PREPL: variants seen among roughly 807,000 people sequenced by gnomAD.
PREPL encodes prolyl endopeptidase-like.
A neutral mutation model predicts 70.6 loss-of-function variants in PREPL; 77 were observed. That is an observed-to-expected ratio of 1.09 (90% confidence interval 0.91 to 1.32). The LOEUF (loss-of-function observed/expected upper bound fraction) is 1.32, where lower values mean the gene tolerates loss of function less well. PREPL is among the 40% of genes most tolerant of loss of function. The pLI, the probability that PREPL is intolerant of heterozygous loss-of-function variation, is 0.00. For synonymous variants in PREPL, 315 were observed against 264.8 expected (o/e 1.19, Z -1.84); for missense variants, 1,002 against 778.2 (o/e 1.29, Z -3.42).
chr2:44,338,310 T>C (rs1241326873), intron 7 of PREPL, 41 bp downstream of exon 7: 1 of 1,529,106 alleles, frequency 6.5e-7, no homozygotes, highest in East Asian at 2.3e-5. Context: ...ACTGCATAAA[T>C]ATTTTGATTA....
intron 2 of PREPL, among the ~76,000 whole-genome samples, chr2:44,345,981 ATTTTT>A (rs909046653): frequency 6.7e-6 from 1 of 148,296 alleles, no homozygotes; most frequent in South Asian, 2.1e-4. Context: ...GTCTCTTGAA[ATTTTT>A]TTTTTTTAAA....
At chr2:44,326,961 A>C (rs1484074173) in intron 9 of PREPL, 33 bp from the exon 10 acceptor site, 1 of 1,587,060 alleles carries the variant, frequency 6.3e-7, no homozygotes, top group African/African-American at 1.3e-5. Flanking sequence ...TTTTAGTGGA[A>C]AAAAAAAGTT....
intron 5 of PREPL, among the ~76,000 whole-genome samples, chr2:44,341,545 C>T (rs1311643765): frequency 1.3e-5 from 2 of 151,742 alleles, no homozygotes; most frequent in African/African-American, 4.8e-5. Flanking sequence ...ACTACTTGAC[C>T]AAATAGTTGT....
intron 10 of PREPL, among the ~76,000 whole-genome samples, chr2:44,324,199 A>C (rs1673262342): frequency 6.6e-6 from 1 of 152,228 alleles, no homozygotes; most frequent in Admixed American, 6.5e-5. Flanking sequence ...GTATGACTCC[A>C]CCTATGTGAG....
In PREPL at chr2:44,320,912, C is replaced by CT; in HGVS notation, c.*443dup. 4.4e-6 allele frequency: 2 copies of CT among 457,574 alleles called. No homozygotes were observed. Among genetic ancestry groups the CT allele is most frequent in the South Asian group, 2.6e-5 (1 of 38,764 alleles). The allele number at this position is 457,574 out of a possible 1,614,324, so 28.3% of individuals were successfully genotyped here. A position where few individuals can be genotyped will look rare whatever the true frequency, so the allele number is the denominator to read the frequency against. ...ATTAGGACCCCAGATTATTCAAAAA[C>CT]TTTAACGAATTTTAAGGGGAAGAAT... On this transcript the variant is annotated 3_prime_UTR_variant, in exon 14 of 14. Transcript: ENST00000409411.
chr2:44,355,265 G>C (rs181333881), intron 1 of PREPL, among the ~76,000 whole-genome samples: 34 of 152,218 alleles, frequency 2.2e-4, no homozygotes, highest in Non-Finnish European at 3.8e-4. Flanking sequence ...AATGTAATCA[G>C]GGCCAGCTGC....
At chr2:44,356,720 G>C (rs899675950) in intron 1 of PREPL, among the ~76,000 whole-genome samples, 1 of 152,160 alleles carries the variant, frequency 6.6e-6, no homozygotes, top group Non-Finnish European at 1.5e-5. Flanking sequence ...CTTTTAGGCA[G>C]TAATTTGTTG....
intron 1 of PREPL, chr2:44,356,094 A>T (rs1484173044): frequency 3.3e-5 from 5 of 152,210 alleles, no homozygotes; most frequent in Non-Finnish European, 7.3e-5. Flanking sequence ...TAAAATGGAA[A>T]GCAGAGGTAC....
intron 10 of PREPL, among the ~76,000 whole-genome samples, chr2:44,324,866 G>T (rs993306108): frequency 1.1e-4 from 16 of 152,022 alleles, no homozygotes; most frequent in African/African-American, 3.9e-4. Context: ...TCCAGCCTGG[G>T]TGAAAGAGCA....
intron 1 of PREPL, among the ~76,000 whole-genome samples, chr2:44,354,609 C>G (rs933020724): frequency 2.0e-5 from 3 of 151,896 alleles, no homozygotes; most frequent in Admixed American, 6.6e-5. Context: ...GCCTCGCTCC[C>G]ATCACACCAG....
chr2:44,356,810 ATT>A lies in PREPL; in HGVS notation c.-49+4568_-49+4569del, dbSNP rs60067050. Among the ~76,000 whole-genome samples, 364 of 148,060 alleles carry A rather than the reference ATT, an allele frequency of 2.5e-3. 1 individual carries two copies. The highest frequency in any genetic ancestry group is 5.9e-3 in the African/African-American group (239 of 40,200). On this transcript the variant is annotated intron_variant, in intron 1 of 13. Transcript: ENST00000409411. ...ACAGAATGACAAGTTGAAACTCCCTATTTTTTTTTTTTTGAGACAGGGTATCC... is the reference window on the plus strand; with the variant it reads ...ACAGAATGACAAGTTGAAACTCCCTATTTTTTTTTTTGAGACAGGGTATCC...
In PREPL at chr2:44,323,136, A is replaced by G. The variant is rs1673147430; in HGVS notation, c.1629+126T>C. 6.3e-6 allele frequency: 6 copies of G among 953,704 alleles called. No individual in the cohort carries two copies. The South Asian group carries it at 1.1e-4, about 17-fold the overall frequency. The allele number at this position is 953,704 out of a possible 1,614,324, so 59.1% of individuals were successfully genotyped here. Reference sequence around the variant, plus strand: ...GGAGCATGAGCAGAGATGGTGCTGAAGATATTTGGGCATCATAAGTAGAAA... The same window carrying G: ...GGAGCATGAGCAGAGATGGTGCTGAGGATATTTGGGCATCATAAGTAGAAA... On this transcript the variant is annotated intron_variant, in intron 11 of 13. Transcript: ENST00000409411.
chr2:44,331,707 TC>T (rs1435313922), intron 8 of PREPL, among the ~76,000 whole-genome samples: 2 of 152,152 alleles, frequency 1.3e-5, no homozygotes, highest in African/African-American at 4.8e-5. Context: ...ACTCAGTATG[TC>T]CTCCTTTGCA....
At chr2:44,349,477 T>C (rs182735537) in intron 1 of PREPL, among the ~76,000 whole-genome samples, 24 of 151,816 alleles carry the variant, frequency 1.6e-4, no homozygotes, top group African/African-American at 4.6e-4. Context: ...TCCACAGCAA[T>C]TGAAAAACAG....
intron 1 of PREPL, chr2:44,360,231 G>A (rs1038397264): frequency 1.3e-5 from 2 of 152,204 alleles, no homozygotes; most frequent in Admixed American, 6.5e-5. Context: ...GGTGGGGGAG[G>A]GAAGATTAAT....
rs1572832735 is a variant in PREPL at position 44,320,692 on chromosome 2, T to C, written c.*664A>G. The stretch of plus-strand genomic sequence containing the variant: ...GGCATTTCAGTGGGATTGTAAGCAT[T>C]TGTAATAGCTTCATGTACAGCATGC... On this transcript the variant is annotated 3_prime_UTR_variant, in exon 14 of 14. Coordinates refer to ENST00000409411, the MANE Select transcript of PREPL (RefSeq NM_001171613.2). 1 of 1,331,582 alleles carries C rather than the reference T, an allele frequency of 7.5e-7. No homozygotes were observed. Among genetic ancestry groups the C allele is most frequent in the African/African-American group, 1.4e-5 (1 of 69,716 alleles). The allele number at this position is 1,331,582 out of a possible 1,614,324, so 82.5% of individuals were successfully genotyped here.
chr2:44,348,347 T>A (rs189971273), intron 1 of PREPL, among the ~76,000 whole-genome samples: 1 of 152,242 alleles, frequency 6.6e-6, no homozygotes, highest in African/African-American at 2.4e-5. Flanking sequence ...CATATCACCA[T>A]CATAAGTCAG....
chr2:44,349,425 AAAG>A (rs1270861961), intron 1 of PREPL, among the ~76,000 whole-genome samples: 2 of 152,198 alleles, frequency 1.3e-5, no homozygotes, highest in African/African-American at 4.8e-5. Context: ...GGAGCCTCAA[AAAG>A]AATAATAAAT....
Position 44,319,984 on chromosome 2 carries a change from T to C in PREPL, c.*1372A>G. On this transcript the variant is annotated 3_prime_UTR_variant, in exon 14 of 14. Transcript: ENST00000409411. Reference sequence around the variant, plus strand: ...GTAGCAGAGCACTGTGCGTACTTATTGACTCCCAGACAAGCCGAAACCCCG... The same window carrying C: ...GTAGCAGAGCACTGTGCGTACTTATCGACTCCCAGACAAGCCGAAACCCCG... 1 of 557,902 alleles carries C rather than the reference T, an allele frequency of 1.8e-6. No homozygotes were observed. The highest frequency in any genetic ancestry group is 3.2e-6 in the Non-Finnish European group (1 of 313,880). The allele number at this position is 557,902 out of a possible 1,614,324, so 34.6% of individuals were successfully genotyped here.
Sources: allele counts gnomAD v4.1 joint callset (sites outside exome capture counted in the v4.1 genomes callset), GRCh38; gene constraint gnomAD v4.1.1; transcripts MANE v1.5; gene names NCBI Gene and HGNC (gene_info 2026-07-23, HGNC 2026-07-21).